SGCZ: variants seen among roughly 807,000 people sequenced by gnomAD.
SGCZ encodes the protein zeta-sarcoglycan.
In SGCZ, 40 loss-of-function variants were observed where a neutral mutation model predicts 41.3. The observed-to-expected ratio is 0.97, with a 90% CI of 0.75 to 1.26. The LOEUF (loss-of-function observed/expected upper bound fraction) is 1.26. SGCZ is among the 50% of genes most tolerant of loss of function. The pLI, the probability that SGCZ is intolerant of heterozygous loss-of-function variation, is 0.00. For synonymous variants in SGCZ, 206 were observed against 137.5 expected, an observed-to-expected ratio of 1.50 and a Z score of -3.49; for missense variants, 552 against 369.8, an observed-to-expected ratio of 1.49 and a Z score of -4.04.
intron 4 of SGCZ, among the ~76,000 whole-genome samples, chr8:14,194,565 A>G (rs1367442228): frequency 6.6e-6 from 1 of 151,896 alleles, no homozygotes; most frequent in Non-Finnish European, 1.5e-5. Context: ...AAAATAGTAA[A>G]CCAGGAATAA....
At chr8:14,869,552 C>G (rs915308749) in intron 1 of SGCZ, among the ~76,000 whole-genome samples, 3 of 152,154 alleles carry the variant, frequency 2.0e-5, no homozygotes, top group Admixed American at 6.5e-5. Flanking sequence ...CCTCTCTCAC[C>G]ACTCCTATTC....
At chr8:14,229,766 G>T (rs1274870931) in intron 4 of SGCZ, among the ~76,000 whole-genome samples, 1 of 151,882 alleles carries the variant, frequency 6.6e-6, no homozygotes, top group Admixed American at 6.6e-5. Context: ...TGATTCCCAG[G>T]TGTTCACTGT....
chr8:14,388,918 T>G (rs1401715464), intron 2 of SGCZ, among the ~76,000 whole-genome samples: 1 of 151,932 alleles, frequency 6.6e-6, no homozygotes, highest in African/African-American at 2.4e-5. Flanking sequence ...TAAAGATACC[T>G]CAAATAAAAT....
chr8:15,020,237 T>G (rs1437924376), intron 1 of SGCZ, among the ~76,000 whole-genome samples: 2 of 152,148 alleles, frequency 1.3e-5, no homozygotes, highest in African/African-American at 4.8e-5. Flanking sequence ...CAATTTAAGC[T>G]TGGTTTGCTC....
At chr8:14,544,930 G>A (rs538745690) in intron 2 of SGCZ, among the ~76,000 whole-genome samples, 59 of 152,092 alleles carry the variant, frequency 3.9e-4, no homozygotes, top group African/African-American at 1.3e-3. Context: ...TTTGCCCTTT[G>A]AAGCATGTGA....
intron 4 of SGCZ, among the ~76,000 whole-genome samples, chr8:14,194,032 T>A (rs537938817): frequency 4.5e-4 from 69 of 151,834 alleles, no homozygotes; most frequent in African/African-American, 1.5e-3. Context: ...TAGTTTTTTT[T>A]AAATATATAT....
chr8:14,610,521 G>A (rs1805893399), intron 1 of SGCZ, among the ~76,000 whole-genome samples: 1 of 151,964 alleles, frequency 6.6e-6, no homozygotes, highest in African/African-American at 2.4e-5. Flanking sequence ...TCTTTATGAG[G>A]GCTCTTGTGT....
chr8:14,949,233 G>A (rs1800551126), intron 1 of SGCZ, among the ~76,000 whole-genome samples: 1 of 152,124 alleles, frequency 6.6e-6, no homozygotes, highest in Admixed American at 6.6e-5. Flanking sequence ...GTACGGCAAT[G>A]ATAATAGTAG....
chr8:14,283,981 T>C (rs982700071), intron 3 of SGCZ, among the ~76,000 whole-genome samples: 2 of 152,276 alleles, frequency 1.3e-5, no homozygotes, highest in African/African-American at 4.8e-5. Flanking sequence ...ACTTTTGTTT[T>C]ATATAAGGTG....
chr8:15,033,811 C>G (rs1262714020), intron 1 of SGCZ, among the ~76,000 whole-genome samples: 4 of 152,106 alleles, frequency 2.6e-5, no homozygotes, highest in Non-Finnish European at 5.9e-5. Context: ...TGTACCAACC[C>G]AATCAACAGA....
chr8:14,456,158 C>G (rs1310983425), intron 2 of SGCZ, among the ~76,000 whole-genome samples: 1 of 152,096 alleles, frequency 6.6e-6, no homozygotes, highest in African/African-American at 2.4e-5. Context: ...CCTGTAATCC[C>G]AGGACTTTGG....
intron 2 of SGCZ, among the ~76,000 whole-genome samples, chr8:14,516,227 A>C (rs753567598): frequency 1.3e-5 from 2 of 151,936 alleles, no homozygotes; most frequent in Non-Finnish European, 2.9e-5. Context: ...TTTGCTGTAC[A>C]GATTATTTCA....
chr8:14,149,789 A>G (rs1353703110), intron 5 of SGCZ, among the ~76,000 whole-genome samples: 1 of 152,152 alleles, frequency 6.6e-6, no homozygotes, highest in Non-Finnish European at 1.5e-5. Context: ...CTGTGGAGCT[A>G]CAGCAACAAA....
chr8:14,488,463 T>C (rs542199318), intron 2 of SGCZ, among the ~76,000 whole-genome samples: 2 of 152,240 alleles, frequency 1.3e-5, no homozygotes, highest in Admixed American at 6.5e-5. Context: ...TTGTGCTTCC[T>C]AAGATTACTC....
chr8:14,616,958 C>T (rs1320089085), intron 1 of SGCZ, among the ~76,000 whole-genome samples: 1 of 152,004 alleles, frequency 6.6e-6, no homozygotes, highest in Non-Finnish European at 1.5e-5. Context: ...TATAAAATAG[C>T]CATTTCTTTT....
At chr8:14,494,270 T>A (rs1394170688) in intron 2 of SGCZ, among the ~76,000 whole-genome samples, 1 of 152,146 alleles carries the variant, frequency 6.6e-6, no homozygotes, top group African/African-American at 2.4e-5. Context: ...ATCACTATCT[T>A]TGGGCTTGTG....
intron 2 of SGCZ, among the ~76,000 whole-genome samples, chr8:14,500,067 A>C (rs1802105341): frequency 6.6e-6 from 1 of 152,142 alleles, no homozygotes; most frequent in Non-Finnish European, 1.5e-5. Flanking sequence ...ACCCATTAAA[A>C]GGGTACTTGA....
At chr8:14,220,258 G>A (rs539484323) in intron 4 of SGCZ, among the ~76,000 whole-genome samples, 1 of 152,058 alleles carries the variant, frequency 6.6e-6, no homozygotes, top group South Asian at 2.1e-4. Context: ...TTTATGAATG[G>A]AACTACCATG....
chr8:15,012,607 A>T (rs10112568), intron 1 of SGCZ, among the ~76,000 whole-genome samples: 16 of 74,726 alleles, frequency 2.1e-4, no homozygotes, highest in Admixed American at 1.2e-3. Context: ...TATTTATATA[A>T]TACATATATG....
Sources: gnomAD v4.1 joint callset for allele counts (sites outside exome capture counted in the v4.1 genomes callset) on GRCh38, gnomAD v4.1.1 for gene constraint, MANE v1.5 for transcripts, NCBI Gene and HGNC (gene_info 2026-07-23, HGNC 2026-07-21) for gene names.